ADRA1A: variants seen among roughly 807,000 people sequenced by gnomAD.
ADRA1A encodes the protein adrenoceptor alpha 1A, also known as alpha-1A adrenergic receptor.
ADRA1A carries 31 observed loss-of-function variants against 29.6 expected under a neutral mutation model. That is an observed-to-expected ratio of 1.05 (90% CI 0.79 to 1.41). The LOEUF (loss-of-function observed/expected upper bound fraction) is 1.41, where lower values mean the gene tolerates loss of function less well. ADRA1A is among the 40% of genes most tolerant of loss of function. The pLI, the probability that ADRA1A is intolerant of heterozygous loss-of-function variation, is 0.00. For synonymous variants in ADRA1A, 311 were observed against 254.3 expected, an observed-to-expected ratio of 1.22 and a Z score of -2.12; for missense variants, 619 against 601.1, an observed-to-expected ratio of 1.03 and a Z score of -0.31.
intron 2 of ADRA1A, chr8:26,779,048 TGAATGGCTTATTTATTTCACG>T (rs1806760887): frequency 3.2e-6 from 1 of 308,390 alleles, no homozygotes; most frequent in Non-Finnish European, 5.9e-6. Context: ...TCACACCTGC[TGAATGGCTTATTTATTTCACG>T]GTACATATCA....
At chr8:26,862,364 A>G (rs894567345) in intron 2 of ADRA1A, among the ~76,000 whole-genome samples, 1 of 152,110 alleles carries the variant, frequency 6.6e-6, no homozygotes, top group African/African-American at 2.4e-5. Context: ...TGTCTTTGTC[A>G]CTTTCTAGCC....
chr8:26,848,608 C>T lies in ADRA1A; in HGVS notation c.883+15479G>A, dbSNP rs73678154. Reference sequence around the variant, plus strand: ...ATCAATGTCAGCTGCCTAAGCTGCCCAGTCTATACCTGCCCAGGTATTCCA... The same window carrying T: ...ATCAATGTCAGCTGCCTAAGCTGCCTAGTCTATACCTGCCCAGGTATTCCA... On this transcript the variant is annotated intron_variant, in intron 2 of 2. Transcript: ENST00000380573. This position sits in a 1 kb window ranked among gnomAD's most constrained non-coding sequence, Gnocchi z 4.3. 5.7e-3 allele frequency among the ~76,000 whole-genome samples: 874 copies of T among 152,272 alleles called. 5 individuals are homozygous for T. The highest frequency in any genetic ancestry group is 0.02 in the African/African-American group (836 of 41,564).
At chr8:26,789,641 CA>C (rs1338312556) in intron 2 of ADRA1A, among the ~76,000 whole-genome samples, 1 of 152,008 alleles carries the variant, frequency 6.6e-6, no homozygotes, top group African/African-American at 2.4e-5. Context: ...GCACAGGAAA[CA>C]AAAGCAAAAA....
downstream of ADRA1A, among the ~76,000 whole-genome samples, chr8:26,764,969 G>A (rs112827789): frequency 6.6e-6 from 1 of 152,144 alleles, no homozygotes; most frequent in Admixed American, 6.5e-5. Context: ...ATATGATACA[G>A]AGAGAGAAAA....
At chr8:26,783,310 G>C (rs189638384) in intron 2 of ADRA1A, among the ~76,000 whole-genome samples, 1 of 152,302 alleles carries the variant, frequency 6.6e-6, no homozygotes, top group East Asian at 1.9e-4. Context: ...AGAGACTCTA[G>C]TCAGTGTCAT....
chr8:26,827,920 G>GTCTC (rs1359017392), intron 2 of ADRA1A, among the ~76,000 whole-genome samples: 1 of 151,992 alleles, frequency 6.6e-6, no homozygotes, highest in Non-Finnish European at 1.5e-5. Flanking sequence ...TTGAGACAGG[G>GTCTC]TCTCACTCTT....
chr8:26,769,995 G>A lies in ADRA1A; in HGVS notation c.*154C>T, dbSNP rs77494179. Reference sequence around the variant, plus strand: ...CCTCCCTCTTCCCTGTGCCCTACCCGCTGCCTGATGAGTTGGGTCTACCAC... The same window carrying A: ...CCTCCCTCTTCCCTGTGCCCTACCCACTGCCTGATGAGTTGGGTCTACCAC... On this transcript the variant is annotated 3_prime_UTR_variant, in exon 3 of 3. Coordinates refer to ENST00000380573, the MANE Select transcript of ADRA1A (RefSeq NM_000680.4). 1.5e-3 allele frequency: 2,181 copies of A among 1,437,060 alleles called. 42 individuals carry two copies. In the East Asian group the frequency reaches 0.045, roughly 30 times the overall value. The allele number at this position is 1,437,060 out of a possible 1,614,324, so 89.0% of individuals were successfully genotyped here. A position where few individuals can be genotyped will look rare whatever the true frequency, so the allele number is the denominator to read the frequency against.
At chr8:26,751,426 T>G (rs1341356573), downstream of ADRA1A, among the ~76,000 whole-genome samples, 1 of 152,250 alleles carries the variant, frequency 6.6e-6, no homozygotes, top group African/African-American at 2.4e-5. Context: ...CAGGATGATT[T>G]GGCATTAAGA....
rs1810329542 is a variant in ADRA1A at position 26,823,553 on chromosome 8, A to C, written c.883+40534T>G. 6.6e-6 allele frequency among the ~76,000 whole-genome samples: 1 copy of C among 152,200 alleles called. No individual in the cohort carries two copies. ...TTCCTCCATCTTGGAAGTTGGGACA[A>C]ATGCACTGGTTCGGGGAGCGCTGGG... is the stretch of plus-strand genomic sequence containing the variant. On this transcript the variant is annotated intron_variant, in intron 2 of 2. Transcript: ENST00000380573. The surrounding 1 kb of genome is among the most constrained non-coding windows in gnomAD (Gnocchi z 4.2).
At chr8:26,850,656 T>C (rs1272197551) in intron 2 of ADRA1A, among the ~76,000 whole-genome samples, 1 of 152,178 alleles carries the variant, frequency 6.6e-6, no homozygotes, top group African/African-American at 2.4e-5. Context: ...CCACCACGCC[T>C]AATTTTTGTA....
At chr8:26,804,151 G>A (rs980147934) in intron 2 of ADRA1A, among the ~76,000 whole-genome samples, 2 of 151,788 alleles carry the variant, frequency 1.3e-5, no homozygotes, top group Non-Finnish European at 2.9e-5. Flanking sequence ...CAAACTCAAG[G>A]GTCAAGTGAT....
At chr8:26,822,304 G>T (rs1810229470) in intron 2 of ADRA1A, among the ~76,000 whole-genome samples, 1 of 152,154 alleles carries the variant, frequency 6.6e-6, no homozygotes. Flanking sequence ...TGTCTATAAA[G>T]CTATGCCTAC....
exon 3 of ADRA1A, chr8:26,756,403 C>T (rs904603760): frequency 1.5e-6 from 2 of 1,318,960 alleles, no homozygotes; most frequent in African/African-American, 1.5e-5. Context: ...TTCCTCACAC[C>T]CTACACGTGG....
chr8:26,867,033 A>G lies in ADRA1A; in HGVS notation c.-784T>C. ...TGCCTGCTCTTCTCTGGAGGCGGAG[A>G]GGGGACCGTGTCTCCGAGGCACCAA... On this transcript the variant is annotated 5_prime_UTR_variant, in exon 1 of 3. Coordinates refer to ENST00000380573, the MANE Select transcript of ADRA1A (RefSeq NM_000680.4). 1.0e-6 allele frequency: 1 copy of G among 985,340 alleles called. No individual in the cohort carries two copies. The allele number at this position is 985,340 out of a possible 1,614,324, so 61.0% of individuals were successfully genotyped here.
downstream of ADRA1A, chr8:26,766,115 C>A: frequency 1.9e-6 from 3 of 1,613,342 alleles, no homozygotes; most frequent in Middle Eastern, 1.6e-4. Flanking sequence ...ATGCTCTCTG[C>A]AATTCTTGGT....
rs190869928 is a variant in ADRA1A at position 26,859,913 on chromosome 8, G to A, written c.883+4174C>T. 6.6e-5 allele frequency among the ~76,000 whole-genome samples: 10 copies of A among 151,938 alleles called. No homozygotes were observed. In the East Asian group the frequency reaches 1.2e-3, roughly 18 times the overall value. On this transcript the variant is annotated intron_variant, in intron 2 of 2. Transcript: ENST00000380573. ...CTACCAGGTAGCTGGTATTACAGGCGTGCACCACCATGCCCAGCTAATTTT... is the reference window on the plus strand; with the variant it reads ...CTACCAGGTAGCTGGTATTACAGGCATGCACCACCATGCCCAGCTAATTTT...
At chr8:26,784,382 T>C (rs1344798104) in intron 2 of ADRA1A, among the ~76,000 whole-genome samples, 4 of 152,200 alleles carry the variant, frequency 2.6e-5, no homozygotes, top group Non-Finnish European at 5.9e-5. Context: ...ATTCAGAACA[T>C]ATCAGATCAC....
intron 2 of ADRA1A, among the ~76,000 whole-genome samples, chr8:26,782,062 C>T (rs1409366520): frequency 6.6e-6 from 1 of 152,224 alleles, no homozygotes; most frequent in Non-Finnish European, 1.5e-5. Context: ...AGAGGCATGG[C>T]CCTTGCATCT....
intron 2 of ADRA1A, among the ~76,000 whole-genome samples, chr8:26,794,658 G>T (rs539871373): frequency 3.9e-5 from 6 of 152,104 alleles, no homozygotes; most frequent in Non-Finnish European, 7.4e-5. Context: ...ATTTAAAAAT[G>T]AAAAAATTGT....
Sources: gnomAD v4.1 joint callset for allele counts (sites outside exome capture counted in the v4.1 genomes callset) on GRCh38, gnomAD v4.1.1 for gene constraint, Gnocchi (gnomAD v3.1) non-coding constraint, MANE v1.5 for transcripts, NCBI Gene and HGNC (gene_info 2026-07-23, HGNC 2026-07-21) for gene names.